Variants in CDK14 observed in about 807,000 individuals in gnomAD.
CDK14 encodes the protein cyclin-dependent kinase 14.
Under a neutral mutation model 60.7 loss-of-function variants are expected in CDK14, and 34 were observed. The observed-to-expected ratio is 0.56, with a 90% CI of 0.43 to 0.75. CDK14 has a LOEUF of 0.75. Ranked by LOEUF, CDK14 falls within the 30% of genes least tolerant of loss-of-function variation. The probability of loss-of-function intolerance (pLI) is 0.00; values close to 1 mark genes in which losing one functional copy is unlikely to be tolerated. For missense variants in CDK14, 482 were observed against 564.1 expected (o/e 0.85, Z 1.47); for synonymous variants, 197 against 203.7 (o/e 0.97, Z 0.28).
chr7:91,093,872 A>C (rs920517124), intron 12 of CDK14, among the ~76,000 whole-genome samples: 8 of 152,176 alleles, frequency 5.3e-5, no homozygotes, highest in African/African-American at 1.4e-4. Flanking sequence ...CATCCTTTGC[A>C]GCAACATGGA....
chr7:90,605,069 G>A (rs1335202295), intron 2 of CDK14, among the ~76,000 whole-genome samples: 1 of 152,168 alleles, frequency 6.6e-6, no homozygotes, highest in Non-Finnish European at 1.5e-5. Flanking sequence ...GCATAAATCA[G>A]TTTGGTTTGG....
intron 2 of CDK14, among the ~76,000 whole-genome samples, chr7:90,676,510 C>G (rs1801199723): frequency 6.6e-6 from 1 of 150,880 alleles, no homozygotes; most frequent in Admixed American, 6.6e-5. Flanking sequence ...AACTCCAGGA[C>G]CAGTCTTAGA....
chr7:90,902,737 T>A (rs1792554274), intron 7 of CDK14, among the ~76,000 whole-genome samples: 1 of 151,898 alleles, frequency 6.6e-6, no homozygotes, highest in African/African-American at 2.4e-5. Context: ...ATAAAAATAA[T>A]AGATAAATGG....
intron 4 of CDK14, among the ~76,000 whole-genome samples, chr7:90,789,921 A>G (rs1249903490): frequency 6.6e-6 from 1 of 152,106 alleles, no homozygotes. Flanking sequence ...GCGCCAACAC[A>G]TATTTAGAAT....
At chr7:91,089,224 C>T (rs977235469) in intron 12 of CDK14, among the ~76,000 whole-genome samples, 4 of 152,276 alleles carry the variant, frequency 2.6e-5, no homozygotes, top group Non-Finnish European at 4.4e-5. Flanking sequence ...ATTCTTCCTT[C>T]TCTTTCTTCC....
At chr7:90,790,692 A>G (rs111897264) in intron 5 of CDK14, 40 bp downstream of exon 5, 25,145 of 1,335,484 alleles carry the variant, frequency 0.019, 274 homozygotes, top group Middle Eastern at 0.03. Flanking sequence ...TTGTGTTTCT[A>G]TGGTCCCCGT....
At chr7:91,167,529 T>C (rs1202658795) in intron 14 of CDK14, among the ~76,000 whole-genome samples, 1 of 152,178 alleles carries the variant, frequency 6.6e-6, no homozygotes, top group Non-Finnish European at 1.5e-5. Flanking sequence ...TCTTATATAA[T>C]GTAGATAGGG....
At chr7:91,087,532 G>A (rs1349264350) in intron 12 of CDK14, among the ~76,000 whole-genome samples, 2 of 152,140 alleles carry the variant, frequency 1.3e-5, no homozygotes, top group African/African-American at 4.8e-5. Context: ...TTTTCAATTT[G>A]TATAACCTCT....
chr7:90,972,731 T>C (rs1369432486), intron 9 of CDK14, among the ~76,000 whole-genome samples: 1 of 152,248 alleles, frequency 6.6e-6, no homozygotes, highest in African/African-American at 2.4e-5. Context: ...GATCTGTTTC[T>C]TTGTTGTTCC....
chr7:91,173,196 C>G (rs1421669253), intron 14 of CDK14, among the ~76,000 whole-genome samples: 2 of 152,090 alleles, frequency 1.3e-5, no homozygotes, highest in Non-Finnish European at 2.9e-5. Context: ...AAACCAGGTT[C>G]ATTCTAGCAG....
chr7:91,078,807 G>T (rs1020034554), intron 11 of CDK14, among the ~76,000 whole-genome samples: 4 of 152,170 alleles, frequency 2.6e-5, no homozygotes, highest in African/African-American at 7.2e-5. Flanking sequence ...TTAACAATTG[G>T]TATATCATCA....
intron 7 of CDK14, among the ~76,000 whole-genome samples, chr7:90,904,130 G>A (rs1302888686): frequency 6.6e-6 from 1 of 152,102 alleles, no homozygotes; most frequent in Non-Finnish European, 1.5e-5. Flanking sequence ...TGTAGGTCAG[G>A]GAGAGGCAGG....
intron 14 of CDK14, among the ~76,000 whole-genome samples, chr7:91,192,143 A>G (rs1802381951): frequency 6.6e-6 from 1 of 152,208 alleles, no homozygotes; most frequent in Admixed American, 6.5e-5. Flanking sequence ...AACAAGGTTC[A>G]GGGTAGGTAA....
chr7:90,836,584 G>A (rs1790107367), intron 5 of CDK14, among the ~76,000 whole-genome samples: 1 of 152,122 alleles, frequency 6.6e-6, no homozygotes. Context: ...CTGTTTTACA[G>A]TGATTTTTTT....
At chr7:90,966,846 C>T (rs1794766945) in intron 9 of CDK14, among the ~76,000 whole-genome samples, 1 of 152,146 alleles carries the variant, frequency 6.6e-6, no homozygotes, top group Admixed American at 6.6e-5. Flanking sequence ...TAACTTGAAG[C>T]TGTAACTCAC....
chr7:90,841,440 A>T (rs1011537876), intron 5 of CDK14, among the ~76,000 whole-genome samples: 2 of 152,004 alleles, frequency 1.3e-5, no homozygotes, highest in Non-Finnish European at 2.9e-5. Context: ...TTTTTTTGTA[A>T]ACATAAAACT....
intron 11 of CDK14, among the ~76,000 whole-genome samples, chr7:91,057,603 C>G (rs532151008): frequency 6.6e-6 from 1 of 152,298 alleles, no homozygotes; most frequent in East Asian, 1.9e-4. Context: ...GGAAGGGATC[C>G]ATTTTCAGCT....
At chr7:90,895,209 A>G (rs1053910557) in intron 6 of CDK14, among the ~76,000 whole-genome samples, 1 of 152,098 alleles carries the variant, frequency 6.6e-6, no homozygotes, top group Non-Finnish European at 1.5e-5. Flanking sequence ...TTTTATTTAG[A>G]AAAACATTTT....
chr7:91,025,838 C>T (rs1233227807), intron 10 of CDK14, among the ~76,000 whole-genome samples: 3 of 152,144 alleles, frequency 2.0e-5, no homozygotes, highest in Admixed American at 6.5e-5. Context: ...GAATGAGTCC[C>T]CAGGTCTCAG....
Sources: gnomAD v4.1 joint callset for allele counts (sites outside exome capture counted in the v4.1 genomes callset) on GRCh38, gnomAD v4.1.1 for gene constraint, MANE v1.5 for transcripts, NCBI Gene and HGNC (gene_info 2026-07-23, HGNC 2026-07-21) for gene names.